Variants in MACROD2 observed in about 807,000 individuals in gnomAD.
The protein encoded by MACROD2 is ADP-ribose glycohydrolase MACROD2.
Under a neutral mutation model 70.4 loss-of-function variants are expected in MACROD2, and 36 were observed. That is an observed-to-expected ratio of 0.51 (90% CI 0.39 to 0.68). The LOEUF is 0.68. Among genes scored for constraint, MACROD2 ranks in the 30% least tolerant of loss-of-function variants. The pLI is 0.00. For missense variants in MACROD2, 496 were observed against 538.4 expected, an observed-to-expected ratio of 0.92 and a Z score of 0.78; for synonymous variants, 172 against 178.8, an observed-to-expected ratio of 0.96 and a Z score of 0.30.
chr20:14,465,859 GC>G (rs1456251418), intron 3 of MACROD2, among the ~76,000 whole-genome samples: 1 of 152,052 alleles, frequency 6.6e-6, no homozygotes, highest in African/African-American at 2.4e-5. Context: ...TTGAATAGTG[GC>G]CCCCACTCTG....
At chr20:15,209,733 T>G (rs1283641345) in intron 5 of MACROD2, among the ~76,000 whole-genome samples, 3 of 152,186 alleles carry the variant, frequency 2.0e-5, no homozygotes, top group East Asian at 3.9e-4. Context: ...TACATGCATA[T>G]GTATAAACAC....
chr20:15,747,654 C>T (rs762478601), intron 8 of MACROD2, among the ~76,000 whole-genome samples: 11 of 151,866 alleles, frequency 7.2e-5, no homozygotes, highest in East Asian at 5.8e-4. Context: ...ATTTGTATCC[C>T]GCATCTTTGC....
At chr20:15,819,446 AATAT>A (rs201904777) in intron 8 of MACROD2, among the ~76,000 whole-genome samples, 6 of 144,434 alleles carry the variant, frequency 4.2e-5, no homozygotes, top group African/African-American at 1.5e-4. Context: ...TAATTATATA[AATAT>A]ATATAAATAT....
At chr20:15,057,741 C>T (rs2075498120) in intron 5 of MACROD2, among the ~76,000 whole-genome samples, 1 of 152,130 alleles carries the variant, frequency 6.6e-6, no homozygotes, top group South Asian at 2.1e-4. Context: ...AACTGCCATT[C>T]CCGATCCATT....
At chr20:14,039,508 G>A (rs1029355441) in intron 2 of MACROD2, among the ~76,000 whole-genome samples, 2 of 151,956 alleles carry the variant, frequency 1.3e-5, no homozygotes, top group African/African-American at 2.4e-5. Context: ...TTTATTTGGG[G>A]CTGTTAATTT....
At chr20:14,295,511 TA>T (rs541065731) in intron 3 of MACROD2, among the ~76,000 whole-genome samples, 17 of 150,644 alleles carry the variant, frequency 1.1e-4, no homozygotes, top group Middle Eastern at 3.4e-3. Flanking sequence ...AGACTGGAGT[TA>T]GGGGAAACCC....
At chr20:15,893,812 G>A in intron 10 of MACROD2, 1 of 456,798 alleles carries the variant, frequency 2.2e-6, no homozygotes, top group Non-Finnish European at 4.4e-6. Context: ...GTTGGGTCTT[G>A]AGGGAAGAAG....
At position 14,898,754 on chromosome 20, in the gene MACROD2, A is replaced by G. The variant is rs528505637; in HGVS notation, c.418+213795A>G. On this transcript the variant is annotated intron_variant, in intron 5 of 17. Coordinates refer to ENST00000684519, the MANE Select transcript of MACROD2 (RefSeq NM_001351661.2). The stretch of plus-strand genomic sequence containing the variant: ...CTTTGTACCATTCTCCAGAGATTCA[A>G]CGTTCTAAGCAGAAACCTTTAGCTG... Among the ~76,000 whole-genome samples, 15 of 152,208 alleles carry G rather than the reference A, an allele frequency of 9.9e-5. 1 individual carries two copies. Among genetic ancestry groups the G allele is most frequent in the Middle Eastern group, 6.8e-3 (2 of 292 alleles).
At chr20:14,493,709 A>G in intron 4 of MACROD2, 1 of 352,306 alleles carries the variant, frequency 2.8e-6, no homozygotes, top group South Asian at 2.8e-5. Context: ...TTCGAGATAT[A>G]TACAGTACTC....
intron 4 of MACROD2, among the ~76,000 whole-genome samples, chr20:14,672,559 T>C (rs2070807629): frequency 6.6e-6 from 1 of 152,214 alleles, no homozygotes; most frequent in Non-Finnish European, 1.5e-5. Flanking sequence ...CTGCAACCTT[T>C]ATGAAAGGTC....
rs6034047 is a variant in MACROD2, at chr20:14,820,658, C to T, written c.418+135699C>T. Among the ~76,000 whole-genome samples the T allele has an allele frequency of 7.9e-3, 1,196 of 152,002 alleles. 22 individuals are homozygous for T. The highest frequency in any genetic ancestry group is 0.026 in the African/African-American group (1,085 of 41,470). On this transcript the variant is annotated intron_variant, in intron 5 of 17. Transcript: ENST00000684519. Reference sequence around the variant, plus strand: ...TATTTTAATCTTGTATTGTCATTAGCCAGTTAGTTACATTAGTTACCCTTG... The same window carrying T: ...TATTTTAATCTTGTATTGTCATTAGTCAGTTAGTTACATTAGTTACCCTTG...
At chr20:15,426,625 T>G (rs933627573) in intron 6 of MACROD2, among the ~76,000 whole-genome samples, 8 of 151,650 alleles carry the variant, frequency 5.3e-5, no homozygotes, top group African/African-American at 1.7e-4. Flanking sequence ...TTTTGTTTTT[T>G]GTTTTTGTCT....
At position 14,849,088 on chromosome 20, in the gene MACROD2, G is replaced by A. The variant is rs139451537; in HGVS notation, c.418+164129G>A. On this transcript the variant is annotated intron_variant, in intron 5 of 17. Transcript: ENST00000684519. ...GGCAAGTGAGATAAACATGTTAGCT[G>A]ACTCTCTTCTGGTCAGGGCTCTTTG... Among the ~76,000 whole-genome samples the A allele has an allele frequency of 4.4e-3, 675 of 152,282 alleles. 8 individuals carry two copies. The highest frequency in any genetic ancestry group is 0.015 in the African/African-American group (636 of 41,568).
chr20:15,739,451 C>T (rs1227499990), intron 8 of MACROD2, among the ~76,000 whole-genome samples: 2 of 152,024 alleles, frequency 1.3e-5, no homozygotes, highest in South Asian at 4.2e-4. Context: ...GGTAAGGAGG[C>T]ATAGAAGAGA....
chr20:15,760,429 A>G (rs1237233627), intron 8 of MACROD2, among the ~76,000 whole-genome samples: 2 of 152,230 alleles, frequency 1.3e-5, no homozygotes, highest in Non-Finnish European at 2.9e-5. Flanking sequence ...ACAGCTCAGT[A>G]GGCACCTGCC....
At chr20:14,946,418 T>A (rs1208756226) in intron 5 of MACROD2, among the ~76,000 whole-genome samples, 1 of 152,100 alleles carries the variant, frequency 6.6e-6, no homozygotes, top group East Asian at 1.9e-4. Context: ...ACACTTAAAA[T>A]TTTTCCAATA....
At chr20:14,476,054 T>TAGAAG (rs199710877) in intron 3 of MACROD2, among the ~76,000 whole-genome samples, 4,215 of 152,240 alleles carry the variant, frequency 0.028, 80 homozygotes, top group Middle Eastern at 0.082. Flanking sequence ...TTAACAACTT[T>TAGAAG]AGAAGAGGTA....
At chr20:15,697,269 T>G (rs1287539421) in intron 8 of MACROD2, among the ~76,000 whole-genome samples, 1 of 152,180 alleles carries the variant, frequency 6.6e-6, no homozygotes, top group Non-Finnish European at 1.5e-5. Context: ...TGTCATTCAG[T>G]TCGAAGAATT....
chr20:15,605,731 A>T (rs1214995441), intron 8 of MACROD2, among the ~76,000 whole-genome samples: 1 of 152,174 alleles, frequency 6.6e-6, no homozygotes, highest in Non-Finnish European at 1.5e-5. Flanking sequence ...TTTTGTGTAT[A>T]AGAAATAGGT....
Sources: allele counts gnomAD v4.1 joint callset (sites outside exome capture counted in the v4.1 genomes callset), GRCh38; gene constraint gnomAD v4.1.1; transcripts MANE v1.5; gene names NCBI Gene and HGNC (gene_info 2026-07-23, HGNC 2026-07-21).